The following SENP3 variants were observed in gnomAD, a reference collection of about 807,000 sequenced individuals.
SENP3 encodes the protein SUMO specific peptidase 3.
Under a neutral mutation model 66.2 loss-of-function variants are expected in SENP3, and 11 were observed. The observed-to-expected ratio is 0.17, with a 90% CI of 0.10 to 0.28. The LOEUF is 0.28. SENP3 is among the 10% of genes least tolerant of loss of function. The pLI is 1.00. For synonymous variants in SENP3, 292 were observed against 277.6 expected (o/e 1.05, Z -0.52); for missense variants, 548 against 743.7 (o/e 0.74, Z 3.06).
rs763587179 is a variant in SENP3 at position 7,563,581 on chromosome 17, T to G, written c.505T>G (p.Ser169Ala). The change falls in exon 2 of 11, where the codon TCA (serine) becomes GCA (alanine). Residue 169 changes from serine to alanine, a missense_variant. By Grantham distance (99) the Ser-to-Ala change is moderately conservative. Transcript: ENST00000321337. Reference sequence around the variant, plus strand: ...CCTCGCACACCCCAAGAACCATCTTTCACCCCAGCAAGGGGGTGCGACGCC... The same window carrying G: ...CCTCGCACACCCCAAGAACCATCTTGCACCCCAGCAAGGGGGTGCGACGCC... ...RGLAHPKNHL[S>A]PQQGGATPQV... 3 of 1,559,186 alleles carry G rather than the reference T, an allele frequency of 1.9e-6. No homozygotes were observed. Among genetic ancestry groups the G allele is most frequent in the Non-Finnish European group, 2.6e-6 (3 of 1,153,320 alleles).
In SENP3 at chr17:7,563,292, C is replaced by T. The variant is rs1464905671; in HGVS notation, c.216C>T (p.Ala72=). The change falls in exon 2 of 11, where the codon GCC becomes GCT. Residue 72 remains alanine, a synonymous_variant. Transcript: ENST00000321337. ...CTGTCCCCCGACCCTCTTTTGATGCCTCAGCAAGTGAAGAGGAGGAAGAAG... is the reference window on the plus strand; with the variant it reads ...CTGTCCCCCGACCCTCTTTTGATGCTTCAGCAAGTGAAGAGGAGGAAGAAG... The part of the protein sequence containing the change: ...RLPVPRPSFD[A]SASEEEEEEE... 1.3e-6 allele frequency: 2 copies of T among 1,553,228 alleles called. No individual in the cohort carries two copies. Among genetic ancestry groups the T allele is most frequent in the Non-Finnish European group, 1.7e-6 (2 of 1,147,904 alleles).
Position 7,570,619 on chromosome 17 carries a change from C to T in SENP3, c.1480-62C>T, listed in dbSNP as rs778704570. 1.4e-4 allele frequency: 224 copies of T among 1,577,378 alleles called. No homozygotes were observed. The highest frequency in any genetic ancestry group is 1.9e-4 in the Non-Finnish European group (218 of 1,157,576). On this transcript the variant is annotated intron_variant, in intron 8 of 10. Coordinates refer to ENST00000321337, the MANE Select transcript of SENP3 (RefSeq NM_015670.6). This position sits in a 1 kb window ranked among gnomAD's most constrained non-coding sequence, Gnocchi z 5.4. ...GGCATGGTGTCTGCCAGCACTGTAC[C>T]CACCATACTGTGTTCAATTGAGAAA...
rs1425811669 is a variant in SENP3 at position 7,565,450 on chromosome 17, G to C, written c.1078G>C (p.Val360Leu). The C allele has an allele frequency of 1.9e-6, 3 of 1,613,776 alleles. No homozygotes were observed. Among genetic ancestry groups the C allele is most frequent in the Non-Finnish European group, 8.5e-7 (1 of 1,179,808 alleles). ...EFSTPSRKGL[V>L]LQLIQSYQRM... ...CCTTGGCCTACTCAGGAAGGGCCTG[G>C]TGTTGCAGCTGATCCAGTCTTACCA... The change falls in exon 5 of 11, where the codon GTG becomes CTG. Residue 360 changes from valine to leucine, a missense_variant. By Grantham distance (32) the Val-to-Leu change is conservative. Transcript: ENST00000321337.
rs2071219348 is a variant in SENP3, at chr17:7,562,025, CGGTGGCGGAGGTGGA to C, written c.-244_-230del. Reference sequence around the variant, plus strand: ...GCGGCGGCGGTGGCGCTGGTGGCGGCGGTGGCGGAGGTGGAGGTGGAGGTGGAAGCTGAAGCTGAA... The same window carrying C: ...GCGGCGGCGGTGGCGCTGGTGGCGGCGGTGGAGGTGGAAGCTGAAGCTGAA... On this transcript the variant is annotated 5_prime_UTR_variant, in exon 1 of 11. Transcript: ENST00000321337. This position sits in a 1 kb window ranked among gnomAD's most constrained non-coding sequence, Gnocchi z 5.0. 11 of 399,582 alleles carry C rather than the reference CGGTGGCGGAGGTGGA, an allele frequency of 2.8e-5. No homozygotes were observed. In the East Asian group the frequency reaches 3.9e-4, roughly 14 times the overall value. The allele number at this position is 399,582 out of a possible 1,614,324, so 24.8% of individuals were successfully genotyped here. A position where few individuals can be genotyped will look rare whatever the true frequency, so the allele number is the denominator to read the frequency against.
At chr17:7,569,776 C>T (rs2071297899) in intron 7 of SENP3, among the ~76,000 whole-genome samples, 1 of 152,226 alleles carries the variant, frequency 6.6e-6, no homozygotes, top group South Asian at 2.1e-4. Context: ...CAAGTCACGA[C>T]TTTCCAAGCT....
chr17:7,569,806 G>A (rs1358673687), intron 7 of SENP3, among the ~76,000 whole-genome samples: 1 of 152,192 alleles, frequency 6.6e-6, no homozygotes, highest in African/African-American at 2.4e-5. Context: ...TCATCTGTTA[G>A]GTTGAATGTT....
Position 7,565,021 on chromosome 17 carries a change from G to A in SENP3, c.1018G>A (p.Val340Ile). The part of the protein sequence containing the change: ...SLIPLSTDEV[V>I]EKLEDIFQQE... Reference sequence around the variant, plus strand: ...CATACCCCTCAGCACTGATGAGGTAGTAGAGAAGCTGGAGGACATTTTCCA... The same window carrying A: ...CATACCCCTCAGCACTGATGAGGTAATAGAGAAGCTGGAGGACATTTTCCA... The change falls in exon 4 of 11, where the codon GTA becomes ATA. Residue 340 changes from valine (V) to isoleucine (I), a missense_variant. Val to Ile is a conservative substitution (Grantham distance 29). This residue lies in a region of SENP3 where 72 missense variants were observed against 137.9 expected (regional missense o/e 0.52). Coordinates refer to ENST00000321337, the MANE Select transcript of SENP3 (RefSeq NM_015670.6). The A allele has an allele frequency of 6.2e-7, 1 of 1,613,808 alleles. No homozygotes were observed. The highest frequency in any genetic ancestry group is 8.5e-7 in the Non-Finnish European group (1 of 1,179,692).
At chr17:7,569,372 A>G (rs928288861) in intron 7 of SENP3, among the ~76,000 whole-genome samples, 2 of 124,256 alleles carry the variant, frequency 1.6e-5, no homozygotes, top group African/African-American at 6.0e-5. Context: ...GCAACAGAGC[A>G]AGACTCCGTC....
intron 10 of SENP3, 93 bp downstream of exon 10, chr17:7,571,026 G>C (rs1317627246): frequency 9.1e-7 from 1 of 1,103,840 alleles, no homozygotes; most frequent in Non-Finnish European, 1.3e-6. Context: ...TTGGCTCATA[G>C]TCAGTTGTGG....
intron 7 of SENP3, 76 bp downstream of exon 7, chr17:7,567,080 T>C: frequency 1.0e-6 from 1 of 957,042 alleles, no homozygotes; most frequent in Non-Finnish European, 1.7e-6. Flanking sequence ...TCTGAGCCCT[T>C]TCCCTGACCG....
At position 7,565,531 on chromosome 17, in the gene SENP3, G is replaced by T. The variant is rs763858852; in HGVS notation, c.1159G>T (p.Val387Leu). 1.2e-6 allele frequency: 2 copies of T among 1,613,918 alleles called. No individual in the cohort carries two copies. The highest frequency in any genetic ancestry group is 8.5e-7 in the Non-Finnish European group (1 of 1,179,860). The stretch of plus-strand genomic sequence containing the variant: ...CTTCCGAGTGGCTTATAAGCGGCAC[G>T]TGCTGACCATGGATGACTTGGGGAC... ...RGFRVAYKRH[V>L]LTMDDLGTLY... The change falls in exon 5 of 11, where the codon GTG becomes TTG. Residue 387 changes from valine (V) to leucine (L), a missense_variant. Physicochemically the swap from Val to Leu is conservative, Grantham distance 32 (BLOSUM62 1). Transcript: ENST00000321337.
chr17:7,569,354 C>CA (rs948638540), intron 7 of SENP3, among the ~76,000 whole-genome samples: 3 of 130,516 alleles, frequency 2.3e-5, no homozygotes, highest in African/African-American at 8.5e-5. Context: ...CACTGCACTC[C>CA]AGTCTGGGCA....
rs961580431 is a variant in SENP3 at position 7,570,034 on chromosome 17, C to G, written c.1342-322C>G. Among the ~76,000 whole-genome samples the G allele has an allele frequency of 2.0e-5, 3 of 152,156 alleles. No homozygotes were observed. The highest frequency in any genetic ancestry group is 4.8e-5 in the African/African-American group (2 of 41,422). The stretch of plus-strand genomic sequence containing the variant: ...TGTCATAAGCCAGTAAATGGAGGAG[C>G]TGTATTTGAATTCTGGCAGGCTCCA... On this transcript the variant is annotated intron_variant, in intron 7 of 10. Coordinates refer to ENST00000321337, the MANE Select transcript of SENP3 (RefSeq NM_015670.6). This position sits in a 1 kb window ranked among gnomAD's most constrained non-coding sequence, Gnocchi z 5.4.
In SENP3 at chr17:7,563,052, C is replaced by G. The variant is rs749908818; in HGVS notation, c.-11-14C>G. 6.9e-7 allele frequency: 1 copy of G among 1,452,708 alleles called. No homozygotes were observed. The highest frequency in any genetic ancestry group is 2.5e-5 in the East Asian group (1 of 39,428). The allele number at this position is 1,452,708 out of a possible 1,614,324, so 90.0% of individuals were successfully genotyped here. A position where few individuals can be genotyped will look rare whatever the true frequency, so the allele number is the denominator to read the frequency against. On this transcript the variant is annotated splice_polypyrimidine_tract_variant and intron_variant, in intron 1 of 10. Transcript: ENST00000321337. Reference sequence around the variant, plus strand: ...GATGCTTAGATTTTGATACCCTGATCTTTTGTTTTTCAGGGTACTGGAAGA... The same window carrying G: ...GATGCTTAGATTTTGATACCCTGATGTTTTGTTTTTCAGGGTACTGGAAGA...
chr17:7,563,589 G>A lies in SENP3; in HGVS notation c.513G>A (p.Gln171=). 1 of 1,565,120 alleles carries A rather than the reference G, an allele frequency of 6.4e-7. No homozygotes were observed. The highest frequency in any genetic ancestry group is 1.2e-5 in the South Asian group (1 of 85,738). ...ACCCCAAGAACCATCTTTCACCCCA[G>A]CAAGGGGGTGCGACGCCACAGGTGC... The part of the protein sequence containing the change: ...LAHPKNHLSP[Q]QGGATPQVPS... The change falls in exon 2 of 11, where the codon CAG becomes CAA. Residue 171 remains glutamine, a synonymous_variant. Coordinates refer to ENST00000321337, the MANE Select transcript of SENP3 (RefSeq NM_015670.6).
In SENP3 at chr17:7,571,905, AT is replaced by A. The variant is rs2071327763; in HGVS notation, c.*423del. The A allele has an allele frequency of 5.3e-4, 8 of 15,126 alleles. 1 individual carries two copies. The highest frequency in any genetic ancestry group is 7.6e-4 in the Non-Finnish European group (5 of 6,586). 0.9% of individuals were successfully genotyped at this position (15,126 alleles called of 1,614,324 possible). ...TATATATATATATATATATATATAT[AT>A]ATAAAAATATATAAATGCCACGGTC... On this transcript the variant is annotated 3_prime_UTR_variant, in exon 11 of 11. Transcript: ENST00000321337.
At chr17:7,565,876 A>G (rs2071263430) in intron 6 of SENP3, 112 bp downstream of exon 6, 1 of 882,384 alleles carries the variant, frequency 1.1e-6, no homozygotes, top group Non-Finnish European at 1.8e-6. Flanking sequence ...TGTTTCAGGG[A>G]GAGAGGTGGT....
rs564295889 is a variant in SENP3, at chr17:7,565,780, T to A, written c.1263+16T>A. On this transcript the variant is annotated intron_variant, in intron 6 of 10. Transcript: ENST00000321337. ...CCCTGAAAAGGTAGGCCCAACCAGA[T>A]AGGTCAGTACCCAGAGGAACTTCTG... 2.4e-5 allele frequency: 38 copies of A among 1,613,210 alleles called. No homozygotes were observed. The African/African-American group carries it at 4.4e-4, about 19-fold the overall frequency.
At chr17:7,566,797 C>G (rs566815047) in intron 6 of SENP3, 130 bp from the exon 7 acceptor site, 16 of 703,852 alleles carry the variant, frequency 2.3e-5, no homozygotes, top group Middle Eastern at 3.2e-4. Context: ...TAGTGAGACC[C>G]TGTCTCTACC....
Sources: allele counts gnomAD v4.1 joint callset (sites outside exome capture counted in the v4.1 genomes callset), GRCh38; gene constraint gnomAD v4.1.1; regional missense constraint gnomAD v4.1.1; non-coding constraint Gnocchi (gnomAD v3.1); transcripts MANE v1.5; gene names NCBI Gene and HGNC (gene_info 2026-07-23, HGNC 2026-07-21).